The following DOCK1 variants were observed in gnomAD, a reference collection of about 807,000 sequenced individuals.
The protein encoded by DOCK1 is dedicator of cytokinesis 1.
A neutral mutation model predicts 262.7 loss-of-function variants in DOCK1; 138 were observed. That is an observed-to-expected ratio of 0.53 (90% CI 0.46 to 0.61). The LOEUF is 0.61. Among genes scored for constraint, DOCK1 ranks in the 20% least tolerant of loss-of-function variants. The pLI is 0.00. For missense variants in DOCK1, 1,908 were observed against 2,370.7 expected (o/e 0.80, Z 4.05); for synonymous variants, 866 against 867.4 (o/e 1.00, Z 0.03).
At chr10:127,244,527 C>T (rs180866703) in intron 27 of DOCK1, among the ~76,000 whole-genome samples, 10 of 152,336 alleles carry the variant, frequency 6.6e-5, no homozygotes, top group East Asian at 1.9e-4. Flanking sequence ...CAAGAGTCCT[C>T]GTTCCCTGCA....
At chr10:127,052,925 C>T in intron 22 of DOCK1, 110 bp downstream of exon 22, 8 of 1,464,508 alleles carry the variant, frequency 5.5e-6, no homozygotes, top group Non-Finnish European at 7.3e-6. Context: ...CTTCTTCCCC[C>T]TTTTTCCCCC....
At chr10:127,268,012 C>T (rs111394623) in intron 29 of DOCK1, among the ~76,000 whole-genome samples, 6 of 152,156 alleles carry the variant, frequency 3.9e-5, no homozygotes, top group African/African-American at 1.4e-4. Context: ...AGAGGAAAAT[C>T]GACAATGTCC....
chr10:127,054,687 C>A lies in DOCK1; in HGVS notation c.2336+1872C>A, dbSNP rs1285655501. Among the ~76,000 whole-genome samples the A allele has an allele frequency of 7.2e-5, 11 of 152,244 alleles. No individual in the cohort carries two copies. In the East Asian group the frequency reaches 1.7e-3, roughly 24 times the overall value. ...TTTTAAATCTCTGATTATGCTAAAC[C>A]CAAGTCAGTACTAGGGTGGGAGGAT... On this transcript the variant is annotated intron_variant, in intron 22 of 51. Coordinates refer to ENST00000623213, the MANE Select transcript of DOCK1 (RefSeq NM_001290223.2).
At chr10:127,040,064 A>C (rs754153657) in intron 19 of DOCK1, among the ~76,000 whole-genome samples, 2 of 151,988 alleles carry the variant, frequency 1.3e-5, no homozygotes, top group Admixed American at 6.6e-5. Context: ...TGACCATGTC[A>C]TGTGTCTGGG....
intron 27 of DOCK1, among the ~76,000 whole-genome samples, chr10:127,147,842 C>G (rs929547759): frequency 6.6e-6 from 1 of 151,620 alleles, no homozygotes; most frequent in Non-Finnish European, 1.5e-5. Flanking sequence ...AACAGCCTGG[C>G]CAATATGGTG....
At chr10:127,089,907 C>G (rs1407539199) in intron 23 of DOCK1, among the ~76,000 whole-genome samples, 1 of 151,798 alleles carries the variant, frequency 6.6e-6, no homozygotes, top group Non-Finnish European at 1.5e-5. Flanking sequence ...TAAAAATTCC[C>G]TGTCCTACAT....
In DOCK1 at chr10:127,266,415, A is replaced by AT. The variant is rs200628911; in HGVS notation, c.3044+8993dup. ...ATGATTTTAGGCACACTTTAGAATT[A>AT]TTTTTTTCCTTTGAAACAGTATACA... On this transcript the variant is annotated intron_variant, in intron 29 of 51. Transcript: ENST00000623213. Among the ~76,000 whole-genome samples, 1,404 of 151,922 alleles carry AT rather than the reference A, an allele frequency of 9.2e-3. 10 individuals carry two copies. The highest frequency in any genetic ancestry group is 0.015 in the Non-Finnish European group (987 of 67,972).
intron 51 of DOCK1, among the ~76,000 whole-genome samples, chr10:127,449,229 G>C (rs1000585224): frequency 6.6e-6 from 1 of 150,998 alleles, no homozygotes; most frequent in East Asian, 1.9e-4. Context: ...AAGGAGATTC[G>C]GGGGGGTCTA....
intron 13 of DOCK1, among the ~76,000 whole-genome samples, chr10:127,021,856 A>C (rs1014953574): frequency 3.9e-5 from 6 of 152,036 alleles, no homozygotes; most frequent in Admixed American, 2.6e-4. Flanking sequence ...AAAACAAGAA[A>C]GCAAGGAGCA....
intron 28 of DOCK1, among the ~76,000 whole-genome samples, chr10:127,254,495 G>T (rs1258120060): frequency 6.6e-6 from 1 of 152,226 alleles, no homozygotes; most frequent in Admixed American, 6.5e-5. Context: ...AACACAGGAA[G>T]TGGGCTTGTC....
intron 1 of DOCK1, among the ~76,000 whole-genome samples, chr10:126,958,131 A>T (rs2036896001): frequency 6.6e-6 from 1 of 152,206 alleles, no homozygotes; most frequent in African/African-American, 2.4e-5. Flanking sequence ...TACACGGCGT[A>T]TAGAATTATA....
chr10:127,218,433 C>A (rs1179360394), intron 27 of DOCK1, among the ~76,000 whole-genome samples: 1 of 152,094 alleles, frequency 6.6e-6, no homozygotes, highest in Non-Finnish European at 1.5e-5. Context: ...TAATGACTTG[C>A]ATTACTTCTT....
intron 47 of DOCK1, among the ~76,000 whole-genome samples, chr10:127,431,777 G>A (rs145937606): frequency 1.5e-3 from 228 of 152,300 alleles, no homozygotes; most frequent in African/African-American, 3.7e-3. Context: ...TCGTGGCAGC[G>A]CGTGCTAGTT....
intron 23 of DOCK1, among the ~76,000 whole-genome samples, chr10:127,102,659 G>A (rs1447670126): frequency 1.3e-5 from 2 of 152,162 alleles, no homozygotes; most frequent in Admixed American, 6.6e-5. Flanking sequence ...GGCCAACATG[G>A]CGAAACCTCG....
At position 127,213,064 on chromosome 10, in the gene DOCK1, G is replaced by A. The variant is rs2058052748; in HGVS notation, c.2848-34944G>A. On this transcript the variant is annotated intron_variant, in intron 27 of 51. Transcript: ENST00000623213. ...CATCCCCTTTAGATTACTCAGTAAT[G>A]TCGACAGCTTGCTGTATGTCTTTAG... 2.0e-5 allele frequency among the ~76,000 whole-genome samples: 3 copies of A among 152,242 alleles called. No homozygotes were observed. The South Asian group carries it at 6.2e-4, about 32-fold the overall frequency.
intron 27 of DOCK1, among the ~76,000 whole-genome samples, chr10:127,181,324 T>C (rs186481333): frequency 6.6e-6 from 1 of 152,318 alleles, no homozygotes; most frequent in Admixed American, 6.5e-5. Context: ...GACTCAATAG[T>C]CTGAAGGCAA....
intron 7 of DOCK1, 136 bp from the exon 8 acceptor site, chr10:126,997,956 G>C: frequency 8.8e-7 from 1 of 1,132,144 alleles, no homozygotes; most frequent in Non-Finnish European, 1.2e-6. Flanking sequence ...GGGGAGATAA[G>C]AAAGTGACTG....
chr10:127,147,686 G>A (rs1312183764), intron 27 of DOCK1, among the ~76,000 whole-genome samples: 2 of 151,918 alleles, frequency 1.3e-5, no homozygotes, highest in Non-Finnish European at 2.9e-5. Context: ...TACCCTTTAG[G>A]ACCCCAAATG....
At chr10:126,918,643 A>C (rs187857445) in intron 1 of DOCK1, among the ~76,000 whole-genome samples, 1 of 152,196 alleles carries the variant, frequency 6.6e-6, no homozygotes, top group Admixed American at 6.5e-5. Context: ...CTGGTATTTT[A>C]ATAAGTTCTA....
Sources: gnomAD v4.1 joint callset for allele counts (sites outside exome capture counted in the v4.1 genomes callset) on GRCh38, gnomAD v4.1.1 for gene constraint, MANE v1.5 for transcripts, NCBI Gene and HGNC (gene_info 2026-07-23, HGNC 2026-07-21) for gene names.